The following RABGEF1 variants were observed in gnomAD, a reference collection of about 807,000 sequenced individuals.
RABGEF1 encodes the protein RAB guanine nucleotide exchange factor 1.
A neutral mutation model predicts 57.3 loss-of-function variants in RABGEF1; 26 were observed. The ratio of observed to expected loss-of-function variants is 0.45; its 90% CI spans 0.33 to 0.63. RABGEF1 has a LOEUF of 0.63. Ranked by LOEUF, RABGEF1 falls within the 20% of genes least tolerant of loss-of-function variation. The probability of loss-of-function intolerance (pLI) is 0.02; values close to 1 mark genes in which losing one functional copy is unlikely to be tolerated. For missense variants in RABGEF1, 464 were observed against 607.6 expected, an observed-to-expected ratio of 0.76 and a Z score of 2.48; for synonymous variants, 185 against 210.7, an observed-to-expected ratio of 0.88 and a Z score of 1.06.
chr7:66,684,227 C>T (rs10265154), intron 1 of RABGEF1, among the ~76,000 whole-genome samples: 15,742 of 152,014 alleles, frequency 0.1, 888 homozygotes, highest in Non-Finnish European at 0.11. Context: ...GGTTGGATCA[C>T]GAGGTCAGGA....
chr7:66,699,650 C>CCACTG (rs1290021841), intron 1 of RABGEF1, among the ~76,000 whole-genome samples: 2 of 151,692 alleles, frequency 1.3e-5, no homozygotes, highest in African/African-American at 4.8e-5. Flanking sequence ...TGGGATCGTG[C>CCACTG]CACTGCACTC....
At chr7:66,718,693 T>C (rs1251326083) in intron 2 of RABGEF1, among the ~76,000 whole-genome samples, 1 of 152,202 alleles carries the variant, frequency 6.6e-6, no homozygotes, top group Non-Finnish European at 1.5e-5. Flanking sequence ...GTCCTGAGTA[T>C]GTACCACGCA....
chr7:66,748,345 A>G (rs1562778518), intron 1 of RABGEF1, among the ~76,000 whole-genome samples: 1 of 152,182 alleles, frequency 6.6e-6, no homozygotes, highest in Non-Finnish European at 1.5e-5. Flanking sequence ...TGGATTGCAC[A>G]TTCTTCACCT....
Position 66,808,913 on chromosome 7 carries a change from C to T in RABGEF1, c.1105C>T (p.Leu369=), listed in dbSNP as rs1470254278. Residue 369 remains leucine (L), a synonymous_variant, in exon 9 of 9, where the codon CTA becomes TTA. Coordinates refer to ENST00000284957, the MANE Select transcript of RABGEF1 (RefSeq NM_014504.3). ...LCCAVAFIEK[L]DAQSLNLSQE... ...CTGTGCTGTGGCTTTCATTGAGAAG[C>T]TAGACGCCCAGTCTTTGAATCTAAG... 1 of 1,607,346 alleles carries T rather than the reference C, an allele frequency of 6.2e-7. No homozygotes were observed. Among genetic ancestry groups the T allele is most frequent in the Non-Finnish European group, 8.5e-7 (1 of 1,174,346 alleles).
At chr7:66,736,900 A>G (rs1437983260), upstream of RABGEF1, among the ~76,000 whole-genome samples, 1 of 152,058 alleles carries the variant, frequency 6.6e-6, no homozygotes, top group African/African-American at 2.4e-5. Context: ...TTATTTATCT[A>G]ATTATACACA....
Position 66,795,525 on chromosome 7 carries a change from A to G in RABGEF1, c.528A>G (p.Glu176=). The G allele has an allele frequency of 1.2e-6, 2 of 1,611,044 alleles. No homozygotes were observed. ...CTCTGTTTCAGGATCTAAGCATTGA[A>G]GAACAGTCAGAGTGTGCTCAGGATT... ...GMHYKRDLSI[E]EQSECAQDFY... is the part of the protein sequence containing the mutation. Residue 176 remains glutamate, a synonymous_variant, in exon 5 of 9, where the codon GAA becomes GAG. Coordinates refer to ENST00000284957, the MANE Select transcript of RABGEF1 (RefSeq NM_014504.3).
At chr7:66,783,641 T>G (rs767541292) in intron 3 of RABGEF1, 34 bp from the exon 4 acceptor site, 1 of 1,554,072 alleles carries the variant, frequency 6.4e-7, no homozygotes, top group Non-Finnish European at 8.7e-7. Context: ...ATCTTTTATG[T>G]CATGAAACTT....
chr7:66,661,697 G>A, the RABGEF1 span, among the ~76,000 whole-genome samples: 30 of 152,300 alleles, frequency 2.0e-4, no homozygotes, highest in South Asian at 3.3e-3. Flanking sequence ...GACATTTAAC[G>A]AAAATTAATG....
chr7:66,685,371 G>A (rs1790461312), intron 1 of RABGEF1, among the ~76,000 whole-genome samples: 1 of 152,034 alleles, frequency 6.6e-6, no homozygotes, highest in African/African-American at 2.4e-5. Context: ...TGTTTGAAGT[G>A]AGGCCAGGCA....
intron 4 of RABGEF1, among the ~76,000 whole-genome samples, chr7:66,793,184 C>G (rs958358703): frequency 2.0e-5 from 3 of 152,080 alleles, no homozygotes; most frequent in Non-Finnish European, 4.4e-5. Flanking sequence ...ATCCGAGAGC[C>G]TTGGGACCAG....
the RABGEF1 span, among the ~76,000 whole-genome samples, chr7:66,660,108 G>A: frequency 1.3e-5 from 2 of 152,054 alleles, no homozygotes; most frequent in African/African-American, 2.4e-5. Flanking sequence ...AGCACTTTGG[G>A]AGGCCAAGGC....
intron 4 of RABGEF1, among the ~76,000 whole-genome samples, chr7:66,794,542 A>G (rs1028492848): frequency 2.6e-5 from 4 of 152,196 alleles, no homozygotes; most frequent in African/African-American, 9.6e-5. Flanking sequence ...TACATATATT[A>G]CACCTATAAA....
chr7:66,736,707 A>G (rs1176889157), upstream of RABGEF1, among the ~76,000 whole-genome samples: 1 of 152,070 alleles, frequency 6.6e-6, no homozygotes, highest in Admixed American at 6.6e-5. Flanking sequence ...CTAAAAATAC[A>G]AAAATTAGCC....
At chr7:66,774,091 G>T (rs963676327) in intron 2 of RABGEF1, 1 of 221,502 alleles carries the variant, frequency 4.5e-6, no homozygotes, top group Non-Finnish European at 9.3e-6. Context: ...TCAATTAATG[G>T]CATCACTACT....
chr7:66,708,834 A>G (rs1329325193), intron 1 of RABGEF1, among the ~76,000 whole-genome samples: 1 of 151,972 alleles, frequency 6.6e-6, no homozygotes, highest in East Asian at 1.9e-4. Flanking sequence ...ACAACAACAG[A>G]AAAATAGGTT....
chr7:66,773,712 C>G, intron 2 of RABGEF1: 1 of 453,914 alleles, frequency 2.2e-6, no homozygotes, highest in South Asian at 1.6e-5. Flanking sequence ...GTTACCCTGG[C>G]TGGAGTGCAA....
chr7:66,702,857 T>A (rs983774437), intron 1 of RABGEF1, among the ~76,000 whole-genome samples: 2 of 152,222 alleles, frequency 1.3e-5, no homozygotes, highest in Admixed American at 6.5e-5. Flanking sequence ...TGAGAGTTTT[T>A]TATATATTCT....
intron 2 of RABGEF1, among the ~76,000 whole-genome samples, chr7:66,728,823 C>G: frequency 6.6e-6 from 1 of 151,996 alleles, no homozygotes; most frequent in Non-Finnish European, 1.5e-5. Flanking sequence ...CCTCCATCCT[C>G]AAGACCACCT....
At chr7:66,808,152 A>G (rs1474823929) in intron 8 of RABGEF1, 2 of 151,618 alleles carry the variant, frequency 1.3e-5, no homozygotes, top group Non-Finnish European at 2.9e-5. Flanking sequence ...TCCCACGGTC[A>G]CTCACTGTTG....
Sources: allele counts gnomAD v4.1 joint callset (sites outside exome capture counted in the v4.1 genomes callset), GRCh38; gene constraint gnomAD v4.1.1; transcripts MANE v1.5; gene names NCBI Gene and HGNC (gene_info 2026-07-23, HGNC 2026-07-21).